The following NRG3 variants were observed in gnomAD, a reference collection of about 807,000 sequenced individuals.
The protein encoded by NRG3 is pro-neuregulin-3, membrane-bound isoform.
In NRG3, 31 loss-of-function variants were observed where a neutral mutation model predicts 66.9. The observed-to-expected ratio is 0.46, with a 90% CI of 0.35 to 0.63. The LOEUF is 0.63. Ranked by LOEUF, NRG3 falls within the 20% of genes least tolerant of loss-of-function variation. NRG3 has a pLI of 0.00. For missense variants in NRG3, 910 were observed against 878.9 expected (o/e 1.04, Z -0.45); for synonymous variants, 393 against 359.4 (o/e 1.09, Z -1.06).
chr10:82,457,821 A>C (rs1402747441), intron 2 of NRG3, among the ~76,000 whole-genome samples: 1 of 152,184 alleles, frequency 6.6e-6, no homozygotes, highest in Non-Finnish European at 1.5e-5. Context: ...TGGAATGGAA[A>C]GTTCAGGACA....
At chr10:82,935,516 A>G (rs1847977530) in intron 4 of NRG3, among the ~76,000 whole-genome samples, 1 of 152,252 alleles carries the variant, frequency 6.6e-6, no homozygotes, top group South Asian at 2.1e-4. Context: ...TAGACCTATG[A>G]GCACTAACAT....
chr10:82,424,068 T>C (rs1341891689), intron 2 of NRG3, among the ~76,000 whole-genome samples: 1 of 152,052 alleles, frequency 6.6e-6, no homozygotes, highest in Non-Finnish European at 1.5e-5. Flanking sequence ...TGTATCTACA[T>C]TTTAGCTATG....
chr10:82,978,392 ATAATT>A (rs1852503924), intron 7 of NRG3, among the ~76,000 whole-genome samples: 1 of 152,258 alleles, frequency 6.6e-6, no homozygotes, highest in African/African-American at 2.4e-5. Context: ...CAGAAGAAAA[ATAATT>A]TAGTTTGTCA....
intron 2 of NRG3, among the ~76,000 whole-genome samples, chr10:82,503,606 A>G (rs765246424): frequency 2.0e-5 from 3 of 152,176 alleles, no homozygotes; most frequent in Admixed American, 6.5e-5. Flanking sequence ...GGGGCCCTCA[A>G]TCTATTTAGA....
chr10:82,291,963 G>A (rs2079773103), intron 1 of NRG3, among the ~76,000 whole-genome samples: 1 of 152,128 alleles, frequency 6.6e-6, no homozygotes, highest in Non-Finnish European at 1.5e-5. Context: ...AAAGGGAAAT[G>A]TTGATGAAGT....
chr10:82,401,228 G>A (rs1206752291), intron 2 of NRG3, among the ~76,000 whole-genome samples: 1 of 151,998 alleles, frequency 6.6e-6, no homozygotes, highest in Non-Finnish European at 1.5e-5. Context: ...GAATGTATAT[G>A]TGCATGTATT....
chr10:81,941,847 A>G (rs1226547358), intron 1 of NRG3, among the ~76,000 whole-genome samples: 1 of 152,098 alleles, frequency 6.6e-6, no homozygotes, highest in Non-Finnish European at 1.5e-5. Context: ...TCAACCACAG[A>G]GTTAGACATT....
chr10:81,917,620 G>T (rs970435154), intron 1 of NRG3, among the ~76,000 whole-genome samples: 1 of 152,168 alleles, frequency 6.6e-6, no homozygotes. Context: ...CATAACTATT[G>T]TAAGAGGAGG....
At chr10:82,730,777 C>T (rs983207983) in intron 2 of NRG3, among the ~76,000 whole-genome samples, 2 of 152,160 alleles carry the variant, frequency 1.3e-5, no homozygotes, top group African/African-American at 2.4e-5. Context: ...CATAGTCAAA[C>T]TTAGATCTCA....
chr10:82,776,736 C>T (rs1440039965), intron 3 of NRG3, among the ~76,000 whole-genome samples: 1 of 151,810 alleles, frequency 6.6e-6, no homozygotes, highest in Non-Finnish European at 1.5e-5. Flanking sequence ...TTATTTCATT[C>T]ACCACCTTCT....
chr10:82,257,788 G>C (rs958033035), intron 1 of NRG3, among the ~76,000 whole-genome samples: 6 of 152,006 alleles, frequency 3.9e-5, no homozygotes, highest in African/African-American at 7.2e-5. Context: ...AAAAAATTCT[G>C]ATTTTTCCTA....
intron 1 of NRG3, among the ~76,000 whole-genome samples, chr10:82,108,516 C>T (rs2067199581): frequency 6.6e-6 from 1 of 152,128 alleles, no homozygotes; most frequent in African/African-American, 2.4e-5. Context: ...CTTTCCTTAG[C>T]CATGAAGCTT....
chr10:82,959,087 G>A lies in NRG3; in HGVS notation c.1284+12G>A. The stretch of plus-strand genomic sequence containing the variant: ...TCCAGCTGCAAAATGTAAGTGACAT[G>A]TCTACACACCTCCTCCTATAGCCTA... On this transcript the variant is annotated intron_variant, in intron 6 of 8. Coordinates refer to ENST00000372141, the MANE Select transcript of NRG3 (RefSeq NM_001010848.4). 1.3e-6 allele frequency: 2 copies of A among 1,587,610 alleles called. No homozygotes were observed. The highest frequency in any genetic ancestry group is 8.5e-7 in the Non-Finnish European group (1 of 1,170,524).
intron 1 of NRG3, among the ~76,000 whole-genome samples, chr10:82,040,115 T>G (rs2062965104): frequency 6.6e-6 from 1 of 152,156 alleles, no homozygotes; most frequent in Non-Finnish European, 1.5e-5. Flanking sequence ...GATAAAATTT[T>G]AGGTGAATAC....
intron 4 of NRG3, among the ~76,000 whole-genome samples, chr10:82,886,698 A>G (rs901225131): frequency 2.0e-5 from 3 of 152,168 alleles, no homozygotes; most frequent in African/African-American, 7.2e-5. Flanking sequence ...CTTACTGAGA[A>G]CTGAGGCTGA....
chr10:82,086,728 T>A (rs748105942), intron 1 of NRG3, among the ~76,000 whole-genome samples: 11 of 152,138 alleles, frequency 7.2e-5, no homozygotes, highest in Non-Finnish European at 1.5e-4. Context: ...TACAGCCAGA[T>A]CCTGCCATCA....
chr10:81,983,117 A>C (rs1350564971), intron 1 of NRG3, among the ~76,000 whole-genome samples: 1 of 152,152 alleles, frequency 6.6e-6, no homozygotes, highest in Non-Finnish European at 1.5e-5. Context: ...ACACAGATGT[A>C]CCATACCAGG....
At chr10:82,893,125 T>G (rs1591850428) in intron 4 of NRG3, among the ~76,000 whole-genome samples, 1 of 152,276 alleles carries the variant, frequency 6.6e-6, no homozygotes, top group East Asian at 1.9e-4. Flanking sequence ...GATGTGATGG[T>G]CACATAATGA....
At chr10:82,937,465 G>A (rs561952980) in intron 4 of NRG3, among the ~76,000 whole-genome samples, 3 of 152,340 alleles carry the variant, frequency 2.0e-5, no homozygotes, top group African/African-American at 2.4e-5. Flanking sequence ...ACTATTCAAC[G>A]TGGTAGCCAC....
Sources: allele counts gnomAD v4.1 joint callset (sites outside exome capture counted in the v4.1 genomes callset), GRCh38; gene constraint gnomAD v4.1.1; transcripts MANE v1.5; gene names NCBI Gene and HGNC (gene_info 2026-07-23, HGNC 2026-07-21).